Variants in CCDC40 observed in about 807,000 individuals in gnomAD.
The protein encoded by CCDC40 is coiled-coil domain 40 molecular ruler complex subunit.
CCDC40 carries 104 observed loss-of-function variants against 124.5 expected under a neutral mutation model. The observed-to-expected ratio is 0.84, with a 90% CI of 0.71 to 0.98. CCDC40 has a LOEUF of 0.98. Ranked by LOEUF, CCDC40 falls within the 50% of genes least tolerant of loss-of-function variation. The pLI is 0.00. For synonymous variants in CCDC40, 580 were observed against 602.9 expected (o/e 0.96, Z 0.56); for missense variants, 1,463 against 1,503.9 (o/e 0.97, Z 0.45).
intron 18 of CCDC40, among the ~76,000 whole-genome samples, chr17:80,096,303 A>C (rs1327324866): frequency 6.6e-6 from 1 of 152,156 alleles, no homozygotes; most frequent in Non-Finnish European, 1.5e-5. Flanking sequence ...ATGGGTGCCC[A>C]CCTCTCAGAG....
At chr17:80,039,307 C>T (rs1470820408) in intron 2 of CCDC40, among the ~76,000 whole-genome samples, 3 of 151,552 alleles carry the variant, frequency 2.0e-5, no homozygotes, top group Non-Finnish European at 4.4e-5. Flanking sequence ...GTGGAAGTTG[C>T]AGTGAGCCGA....
rs181295177 is a variant in CCDC40, at chr17:80,065,467, C to T, written c.1441-18C>T. 1.2e-6 allele frequency: 2 copies of T among 1,612,972 alleles called. No individual in the cohort carries two copies. The highest frequency in any genetic ancestry group is 1.7e-5 in the Admixed American group (1 of 60,014). ...GAAATGAGACAGCCATTCCTGCCCCCTCCCCTGTTGGCTGCAGGCCTGCAC... is the reference window on the plus strand; with the variant it reads ...GAAATGAGACAGCCATTCCTGCCCCTTCCCCTGTTGGCTGCAGGCCTGCAC... On this transcript the variant is annotated intron_variant, in intron 9 of 19. Coordinates refer to ENST00000397545, the MANE Select transcript of CCDC40 (RefSeq NM_017950.4).
intron 18 of CCDC40, among the ~76,000 whole-genome samples, chr17:80,095,762 A>G (rs752443852): frequency 6.6e-6 from 1 of 152,192 alleles, no homozygotes; most frequent in Non-Finnish European, 1.5e-5. Context: ...GAATGCCCGC[A>G]CCGGACAGAG....
intron 10 of CCDC40, among the ~76,000 whole-genome samples, chr17:80,069,046 C>T (rs922246395): frequency 6.6e-6 from 1 of 152,210 alleles, no homozygotes; most frequent in African/African-American, 2.4e-5. Context: ...CTGACCTTGG[C>T]TGCTTTCTCC....
Position 80,087,752 on chromosome 17 carries a change from G to C in CCDC40, c.2595G>C (p.Glu865Asp), listed in dbSNP as rs201254503. The stretch of plus-strand genomic sequence containing the variant: ...TGGAGCAGAACAACCGGGTGACAGA[G>C]AATGAGTTCGTGCGCTCGCTGAAGG... Reference protein sequence around the residue: ...EELEQNNRVTENEFVRSLKAS... With the variant: ...EELEQNNRVTDNEFVRSLKAS... Residue 865 changes from glutamate (E) to aspartate (D), a missense_variant, in exon 15 of 20, where the codon GAG becomes GAC. By Grantham distance (45) the Glu-to-Asp change is conservative (BLOSUM62 2). Coordinates refer to ENST00000397545, the MANE Select transcript of CCDC40 (RefSeq NM_017950.4). This position sits in a 1 kb window ranked among gnomAD's most constrained non-coding sequence, Gnocchi z 4.5. 3.1e-6 allele frequency: 5 copies of C among 1,614,152 alleles called. No homozygotes were observed. The highest frequency in any genetic ancestry group is 3.4e-6 in the Non-Finnish European group (4 of 1,180,018).
chr17:80,062,314 T>A (rs544322553), intron 9 of CCDC40, among the ~76,000 whole-genome samples: 2 of 152,326 alleles, frequency 1.3e-5, no homozygotes, highest in South Asian at 2.1e-4. Flanking sequence ...TAATTTTTTT[T>A]AAATTATACT....
chr17:80,048,106 A>C (rs1568674967), intron 4 of CCDC40, among the ~76,000 whole-genome samples: 1 of 152,142 alleles, frequency 6.6e-6, no homozygotes, highest in Admixed American at 6.5e-5. Flanking sequence ...CTAAAAATAC[A>C]AAAATTACCG....
chr17:80,081,806 C>A lies in CCDC40; in HGVS notation c.1806+17C>A, dbSNP rs1415111038. The A allele has an allele frequency of 3.7e-6, 6 of 1,613,798 alleles. No individual in the cohort carries two copies. The highest frequency in any genetic ancestry group is 5.1e-6 in the Non-Finnish European group (6 of 1,180,012). The stretch of plus-strand genomic sequence containing the variant: ...GACCAGCTGGTGAGGCCGGGCCCGC[C>A]CCACAGGTCACACCTGGCGCACGGT... On this transcript the variant is annotated intron_variant, in intron 11 of 19. Transcript: ENST00000397545.
intron 9 of CCDC40, among the ~76,000 whole-genome samples, chr17:80,063,610 AC>A (rs1270328707): frequency 6.6e-6 from 1 of 152,068 alleles, no homozygotes; most frequent in African/African-American, 2.4e-5. Flanking sequence ...TGAATAACTT[AC>A]CCCCATACAA....
chr17:80,088,481 A>C, intron 16 of CCDC40: 1 of 329,282 alleles, frequency 3.0e-6, no homozygotes, highest in Non-Finnish European at 6.0e-6. Context: ...TGAACTCCTG[A>C]TCTCAGGTGA....
chr17:80,082,146 G>A, intron 12 of CCDC40, 88 bp downstream of exon 12: 1 of 1,143,664 alleles, frequency 8.7e-7, no homozygotes, highest in South Asian at 1.3e-5. Flanking sequence ...GGAGAGGGCG[G>A]AGTCAGTGTG....
In CCDC40 at chr17:80,087,558, A is replaced by AC; in HGVS notation, c.2450-46dup. On this transcript the variant is annotated intron_variant, in intron 14 of 19. Coordinates refer to ENST00000397545, the MANE Select transcript of CCDC40 (RefSeq NM_017950.4). This position sits in a 1 kb window ranked among gnomAD's most constrained non-coding sequence, Gnocchi z 4.5. ...CGGACACTGCTGCCTGCGGGCGAGG[A>AC]CCCGTACCCTCCTGGGGTCTCTCCC... is the stretch of plus-strand genomic sequence containing the variant. 1.3e-6 allele frequency: 2 copies of AC among 1,546,006 alleles called. No homozygotes were observed. Among genetic ancestry groups the AC allele is most frequent in the Non-Finnish European group, 1.8e-6 (2 of 1,119,668 alleles).
intron 12 of CCDC40, 96 bp downstream of exon 12, chr17:80,082,154 G>A (rs1457362954): frequency 3.9e-6 from 4 of 1,027,716 alleles, no homozygotes; most frequent in African/African-American, 1.6e-5. Context: ...CGGAGTCAGT[G>A]TGAGCAGAGG....
At chr17:80,094,139 C>T (rs561240905) in intron 17 of CCDC40, among the ~76,000 whole-genome samples, 3 of 151,418 alleles carry the variant, frequency 2.0e-5, no homozygotes, top group Non-Finnish European at 2.9e-5. Flanking sequence ...GGGCTGGGTG[C>T]GGTGGCTCAC....
chr17:80,071,194 C>T (rs1054402685), intron 10 of CCDC40, among the ~76,000 whole-genome samples: 4 of 152,256 alleles, frequency 2.6e-5, no homozygotes, highest in Non-Finnish European at 5.9e-5. Flanking sequence ...AATTCACACA[C>T]GCCTGGGACT....
intron 10 of CCDC40, among the ~76,000 whole-genome samples, chr17:80,080,209 A>AAGAC (rs57308859): frequency 0.67 from 100,234 of 149,960 alleles, 33,894 homozygotes; most frequent in Middle Eastern, 0.78. Flanking sequence ...AAAAAAAAGA[A>AAGAC]AGAAAGGAAT....
At chr17:80,092,934 A>C (rs2038747350) in intron 17 of CCDC40, among the ~76,000 whole-genome samples, 1 of 152,106 alleles carries the variant, frequency 6.6e-6, no homozygotes, top group Admixed American at 6.5e-5. Flanking sequence ...ATTTTTGTGT[A>C]TGGTGCAAGT....
chr17:80,067,908 G>A, intron 10 of CCDC40: 1 of 1,331,562 alleles, frequency 7.5e-7, no homozygotes, highest in Non-Finnish European at 9.6e-7. Flanking sequence ...GCAGAATGTT[G>A]AGTGAATATT....
intron 17 of CCDC40, among the ~76,000 whole-genome samples, chr17:80,091,330 CACACACACACACAGAG>C (rs2038717943): frequency 1.5e-5 from 1 of 65,746 alleles, no homozygotes; most frequent in Non-Finnish European, 3.1e-5. Flanking sequence ...CACACACACA[CACACACACACACAGAG>C]AGAGAGAGAG....
Sources: allele counts gnomAD v4.1 joint callset (sites outside exome capture counted in the v4.1 genomes callset), GRCh38; gene constraint gnomAD v4.1.1; non-coding constraint Gnocchi (gnomAD v3.1); transcripts MANE v1.5; gene names NCBI Gene and HGNC (gene_info 2026-07-23, HGNC 2026-07-21).